KAZN: variants seen among roughly 807,000 people sequenced by gnomAD.
KAZN encodes the protein kazrin.
Under a neutral mutation model 87.4 loss-of-function variants are expected in KAZN, and 40 were observed. The ratio of observed to expected loss-of-function variants is 0.46; its 90% CI spans 0.36 to 0.60. KAZN has a LOEUF of 0.60. KAZN is among the 20% of genes least tolerant of loss of function. The pLI is 0.00. For synonymous variants in KAZN, 466 were observed against 458.3 expected, an observed-to-expected ratio of 1.02 and a Z score of -0.22; for missense variants, 898 against 1,073.9, an observed-to-expected ratio of 0.84 and a Z score of 2.29.
intron 2 of KAZN, among the ~76,000 whole-genome samples, chr1:14,311,085 C>T (rs1484672179): frequency 6.6e-6 from 1 of 152,174 alleles, no homozygotes; most frequent in African/African-American, 2.4e-5. Flanking sequence ...CCTTTGGTAA[C>T]TGTGGAGAGA....
intron 1 of KAZN, chr1:14,924,291 C>T (rs1156511167): frequency 1.0e-6 from 1 of 984,042 alleles, no homozygotes; most frequent in African/African-American, 1.8e-5. Context: ...CGGCGACCTC[C>T]GGGTCTGTGA....
chr1:14,695,508 A>ATTTTTTTTTTTTTTTTTTTT (rs1230082930), intron 1 of KAZN, among the ~76,000 whole-genome samples: 17 of 67,762 alleles, frequency 2.5e-4, no homozygotes, highest in Non-Finnish European at 4.6e-4. Flanking sequence ...ACTACATTCC[A>ATTTTTTTTTTTTTTTTTTTT]TCTTTTTTTT....
In KAZN at chr1:14,783,197, A is replaced by T. The variant is rs180687905; in HGVS notation, c.227-177487A>T. Among the ~76,000 whole-genome samples, 91 of 152,282 alleles carry T rather than the reference A, an allele frequency of 6.0e-4. 1 individual carries two copies. Among genetic ancestry groups the T allele is most frequent in the Admixed American group, 2.9e-3 (44 of 15,292 alleles). On this transcript the variant is annotated intron_variant, in intron 1 of 14. Coordinates refer to ENST00000376030, the MANE Select transcript of KAZN (RefSeq NM_201628.3). ...TGCTACTCAACATGGTCCCTGCAAA[A>T]TGCCATTTCCAGCACCTAATACCTG...
At position 14,949,238 on chromosome 1, in the gene KAZN, G is replaced by C. The variant is rs984237884; in HGVS notation, c.227-11446G>C. On this transcript the variant is annotated intron_variant, in intron 1 of 14. Coordinates refer to ENST00000376030, the MANE Select transcript of KAZN (RefSeq NM_201628.3). This position sits in a 1 kb window ranked among gnomAD's most constrained non-coding sequence, Gnocchi z 4.3. ...TTAAGCAACTGAATTGGGATTAAAG[G>C]GAAAAAAACATTCCTTTATTAAAAC... is the stretch of plus-strand genomic sequence containing the variant. 8.0e-5 allele frequency among the ~76,000 whole-genome samples: 12 copies of C among 150,902 alleles called. No individual in the cohort carries two copies. Among genetic ancestry groups the C allele is most frequent in the Admixed American group, 7.9e-4 (12 of 15,158 alleles).
chr1:14,106,504 G>C (rs1456067015), intron 1 of KAZN, among the ~76,000 whole-genome samples: 6 of 152,154 alleles, frequency 3.9e-5, no homozygotes, highest in Non-Finnish European at 8.8e-5. Context: ...GTATCCTTTA[G>C]TGGTCAAAGC....
intron 1 of KAZN, among the ~76,000 whole-genome samples, chr1:13,952,259 T>G (rs1424540461): frequency 6.6e-6 from 1 of 151,860 alleles, no homozygotes; most frequent in African/African-American, 2.4e-5. Flanking sequence ...TCTTACACAC[T>G]GTAGGATGTT....
At chr1:14,939,696 GC>G (rs1660841957) in intron 1 of KAZN, among the ~76,000 whole-genome samples, 1 of 152,218 alleles carries the variant, frequency 6.6e-6, no homozygotes, top group Non-Finnish European at 1.5e-5. Context: ...ACTCGCCTCT[GC>G]CTGTTGGGAT....
At chr1:14,850,448 A>T (rs1044444487) in intron 1 of KAZN, among the ~76,000 whole-genome samples, 3 of 152,198 alleles carry the variant, frequency 2.0e-5, no homozygotes, top group African/African-American at 7.2e-5. Flanking sequence ...AAGGAGGCTT[A>T]TACGGCTAAC....
rs571586520 is a variant in KAZN at position 14,735,262 on chromosome 1, G to C, written c.226+136039G>C. Among the ~76,000 whole-genome samples the C allele has an allele frequency of 3.3e-5, 5 of 152,188 alleles. No individual in the cohort carries two copies. Among genetic ancestry groups the C allele is most frequent in the Non-Finnish European group, 7.4e-5 (5 of 67,980 alleles). On this transcript the variant is annotated intron_variant, in intron 1 of 14. Coordinates refer to ENST00000376030, the MANE Select transcript of KAZN (RefSeq NM_201628.3). The surrounding 1 kb of genome is among the most constrained non-coding windows in gnomAD (Gnocchi z 4.3). ...TTTTTAGTAGAGACGGGGTTTCACC[G>C]TGTTAGCCAGGATGGTCTCGATCTC...
At chr1:15,091,316 G>A (rs892486349) in intron 8 of KAZN, among the ~76,000 whole-genome samples, 1 of 152,002 alleles carries the variant, frequency 6.6e-6, no homozygotes, top group African/African-American at 2.4e-5. Context: ...CACAGTCAGG[G>A]TTACACTGTG....
At chr1:14,890,840 C>CTTTTTTTTT (rs34718502) in intron 1 of KAZN, among the ~76,000 whole-genome samples, 1 of 69,676 alleles carries the variant, frequency 1.4e-5, no homozygotes, top group African/African-American at 6.1e-5. Context: ...GGAATCTGGA[C>CTTTTTTTTT]TTTTTTTTTT....
intron 2 of KAZN, among the ~76,000 whole-genome samples, chr1:14,263,009 A>AT (rs747790184): frequency 2.6e-5 from 4 of 152,172 alleles, no homozygotes; most frequent in Non-Finnish European, 5.9e-5. Flanking sequence ...TGTGGCGTGC[A>AT]TGCGTGTATA....
At chr1:14,652,110 A>G (rs1364871592) in intron 1 of KAZN, among the ~76,000 whole-genome samples, 1 of 152,220 alleles carries the variant, frequency 6.6e-6, no homozygotes, top group Non-Finnish European at 1.5e-5. Flanking sequence ...TGAAAAATCA[A>G]AAACAAAACA....
intron 2 of KAZN, among the ~76,000 whole-genome samples, chr1:14,313,733 C>T (rs2100818770): frequency 6.6e-6 from 1 of 152,226 alleles, no homozygotes; most frequent in Admixed American, 6.5e-5. Context: ...ATTATCTCCC[C>T]TTTACTCTGG....
intron 2 of KAZN, among the ~76,000 whole-genome samples, chr1:14,547,188 A>G (rs1449115221): frequency 6.6e-6 from 1 of 151,588 alleles, no homozygotes; most frequent in Non-Finnish European, 1.5e-5. Flanking sequence ...ATAGAATGAC[A>G]TTTTTTTTTC....
At chr1:14,572,800 C>T (rs1674951349) in intron 2 of KAZN, among the ~76,000 whole-genome samples, 1 of 152,170 alleles carries the variant, frequency 6.6e-6, no homozygotes, top group Admixed American at 6.5e-5. Context: ...GATGTCTAGA[C>T]TCATAGAAAA....
chr1:14,064,233 C>A (rs1279004406), intron 1 of KAZN, among the ~76,000 whole-genome samples: 2 of 152,176 alleles, frequency 1.3e-5, no homozygotes, highest in Non-Finnish European at 2.9e-5. Context: ...TTTACATTGC[C>A]AGAAGAGAGC....
chr1:15,113,040 AG>A (rs1357299820), intron 14 of KAZN: 4 of 158,074 alleles, frequency 2.5e-5, no homozygotes, highest in African/African-American at 9.6e-5. Flanking sequence ...TGTGCAGTTC[AG>A]GTCTGATTGC....
At chr1:14,438,532 G>T (rs1262104948) in intron 2 of KAZN, among the ~76,000 whole-genome samples, 1 of 152,202 alleles carries the variant, frequency 6.6e-6, no homozygotes, top group African/African-American at 2.4e-5. Context: ...AAGACACAGG[G>T]AGCAGCCAGT....
Sources: allele counts gnomAD v4.1 joint callset (sites outside exome capture counted in the v4.1 genomes callset), GRCh38; gene constraint gnomAD v4.1.1; non-coding constraint Gnocchi (gnomAD v3.1); transcripts MANE v1.5; gene names NCBI Gene and HGNC (gene_info 2026-07-23, HGNC 2026-07-21).